The following ALOX12 variants were observed in gnomAD, a reference collection of about 807,000 sequenced individuals.
ALOX12 encodes the protein arachidonate 12-lipoxygenase, 12S type, also known as polyunsaturated fatty acid lipoxygenase ALOX12.
In ALOX12, 62 loss-of-function variants were observed where a neutral mutation model predicts 85.5. The observed-to-expected ratio is 0.73, with a 90% confidence interval of 0.59 to 0.90. The LOEUF (loss-of-function observed/expected upper bound fraction) is 0.90, where lower values mean the gene tolerates loss of function less well. ALOX12 is among the 40% of genes least tolerant of loss of function. The pLI is 0.00. For missense variants in ALOX12, 751 were observed against 856.5 expected, an observed-to-expected ratio of 0.88 and a Z score of 1.54; for synonymous variants, 299 against 332.7, an observed-to-expected ratio of 0.90 and a Z score of 1.10.
chr17:7,010,109 C>T lies in ALOX12; in HGVS notation c.1795C>T (p.Arg599Cys), dbSNP rs757495245. Residue 599 changes from arginine (R) to cysteine (C), a missense_variant, in exon 13 of 14, where the codon CGC becomes TGC. By Grantham distance (180) the Arg-to-Cys change is radical (BLOSUM62 -3). Transcript: ENST00000251535. ...AATGGCCATCTCATGGCATCTGAGT[C>T]GCCGCCAGCCAGACATGGTGAGAGG... ...LQMAISWHLSRRQPDMVPLGH... is the reference protein window; with the variant it reads ...LQMAISWHLSCRQPDMVPLGH... 14 of 1,611,878 alleles carry T rather than the reference C, an allele frequency of 8.7e-6. No homozygotes were observed. Among genetic ancestry groups the T allele is most frequent in the Non-Finnish European group, 1.2e-5 (14 of 1,178,740 alleles).
At chr17:7,007,354 G>A (rs1318649355) in intron 11 of ALOX12, among the ~76,000 whole-genome samples, 4 of 152,028 alleles carry the variant, frequency 2.6e-5, no homozygotes, top group South Asian at 2.1e-4. Flanking sequence ...CTCATCCTTC[G>A]GCCCCTCCCC....
rs375363609 is a variant in ALOX12, at chr17:6,998,484, G to T, written c.338-25G>T. 1.3e-4 allele frequency: 206 copies of T among 1,549,264 alleles called. 1 individual carries two copies. In the African/African-American group the frequency reaches 2.6e-3, roughly 20 times the overall value. On this transcript the variant is annotated intron_variant, in intron 2 of 13. Coordinates refer to ENST00000251535, the MANE Select transcript of ALOX12 (RefSeq NM_000697.3). ...GCATAGGACCAGACAGAGCCGTGAG[G>T]CCAATTGTCTTGATGTCTCCCCAGC...
In ALOX12 at chr17:7,006,991, T is replaced by TCCGAAGC. The variant is rs1909119572; in HGVS notation, c.1540+387_1540+393dup. Among the ~76,000 whole-genome samples, 3 of 152,044 alleles carry TCCGAAGC rather than the reference T, an allele frequency of 2.0e-5. No individual in the cohort carries two copies. In the South Asian group the frequency reaches 6.2e-4, roughly 31 times the overall value. On this transcript the variant is annotated intron_variant, in intron 11 of 13. Transcript: ENST00000251535. ...AGGATGTAAATGGGAAGATTTTCCC[T>TCCGAAGC]CCGAAGCCCACAAGGACCCACCCTG...
chr17:6,998,984 A>G lies in ALOX12; in HGVS notation c.574A>G (p.Thr192Ala). The change falls in exon 5 of 14, where the codon ACC becomes GCC. Residue 192 changes from threonine (T) to alanine (A), a missense_variant. Coordinates refer to ENST00000251535, the MANE Select transcript of ALOX12 (RefSeq NM_000697.3). ...GGAGATGGCCCTCAAACGTGTTTAC[A>G]CCCTCCTGAGCTCCTGGAACTGCCT... Reference protein sequence around the residue: ...ALEMALKRVYTLLSSWNCLED... With the variant: ...ALEMALKRVYALLSSWNCLED... 6.2e-7 allele frequency: 1 copy of G among 1,613,880 alleles called. No individual in the cohort carries two copies. Among genetic ancestry groups the G allele is most frequent in the Admixed American group, 1.7e-5 (1 of 59,986 alleles).
In ALOX12 at chr17:7,001,815, C is replaced by G. The variant is rs1359979497; in HGVS notation, c.1161+4C>G. 6.2e-7 allele frequency: 1 copy of G among 1,612,288 alleles called. No individual in the cohort carries two copies. Among genetic ancestry groups the G allele is most frequent in the South Asian group, 1.1e-5 (1 of 91,056 alleles). The stretch of plus-strand genomic sequence containing the variant: ...AGGACTGCACCCCATCTTCAAGGTA[C>G]TTATTAATCTATTAAATCACATATC... On this transcript the variant is annotated splice_donor_region_variant and intron_variant, in intron 8 of 13. Transcript: ENST00000251535.
chr17:6,997,515 C>A (rs1908505567), intron 2 of ALOX12, among the ~76,000 whole-genome samples: 1 of 151,020 alleles, frequency 6.6e-6, no homozygotes, highest in African/African-American at 2.4e-5. Flanking sequence ...AGCACACTGG[C>A]CCGCAGGAGA....
intron 9 of ALOX12, 131 bp downstream of exon 9, chr17:7,005,474 C>CTTTTTTTT (rs35201122): frequency 1.6e-4 from 35 of 223,306 alleles, no homozygotes; most frequent in African/African-American, 4.8e-4. Context: ...ATACCCATGT[C>CTTTTTTTT]TTTTTTTTTT....
rs540528170 is a variant in ALOX12, at chr17:6,998,853, G to C, written c.542+16G>C. 6.2e-7 allele frequency: 1 copy of C among 1,614,182 alleles called. No homozygotes were observed. Among genetic ancestry groups the C allele is most frequent in the East Asian group, 2.2e-5 (1 of 44,886 alleles). On this transcript the variant is annotated intron_variant, in intron 4 of 13. Coordinates refer to ENST00000251535, the MANE Select transcript of ALOX12 (RefSeq NM_000697.3). ...TGAAGGCAGGGTGAGAAAAAGGCTAGACCTCGGAGTGAAATAAGGGCTGGG... is the reference window on the plus strand; with the variant it reads ...TGAAGGCAGGGTGAGAAAAAGGCTACACCTCGGAGTGAAATAAGGGCTGGG...
Position 7,010,270 on chromosome 17 carries a change from A to T in ALOX12, c.1839A>T (p.Lys613Asn). 1 of 1,613,942 alleles carries T rather than the reference A, an allele frequency of 6.2e-7. No homozygotes were observed. Among genetic ancestry groups the T allele is most frequent in the South Asian group, 1.1e-5 (1 of 91,060 alleles). The change falls in exon 14 of 14, where the codon AAA becomes AAT. Residue 613 changes from lysine to asparagine, a missense_variant. Physicochemically the swap from Lys to Asn is moderately conservative, Grantham distance 94. Transcript: ENST00000251535. The part of the protein sequence containing the change: ...DMVPLGHHKE[K>N]YFSGPKPKAV... ...TGCCTCTGGGGCACCACAAAGAAAA[A>T]TATTTCTCAGGCCCCAAGCCCAAAG...
In ALOX12 at chr17:7,009,990, G is replaced by A. The variant is rs377251902; in HGVS notation, c.1676G>A (p.Cys559Tyr). Residue 559 changes from cysteine to tyrosine, a missense_variant, in exon 13 of 14, where the codon TGC (cysteine) becomes TAC (tyrosine). Cys to Tyr is a radical substitution (Grantham distance 194, BLOSUM62 -2). Coordinates refer to ENST00000251535, the MANE Select transcript of ALOX12 (RefSeq NM_000697.3). ...DWYAWVPNAP[C>Y]TMRMPPPTTK... Reference sequence around the variant, plus strand: ...TATGCCTGGGTCCCTAATGCTCCATGCACAATGCGGATGCCCCCACCCACC... The same window carrying A: ...TATGCCTGGGTCCCTAATGCTCCATACACAATGCGGATGCCCCCACCCACC... The A allele has an allele frequency of 1.2e-6, 2 of 1,614,006 alleles. No homozygotes were observed. Among genetic ancestry groups the A allele is most frequent in the Non-Finnish European group, 1.7e-6 (2 of 1,180,020 alleles).
chr17:7,007,183 C>A (rs1713109738), intron 11 of ALOX12, among the ~76,000 whole-genome samples: 1 of 152,216 alleles, frequency 6.6e-6, no homozygotes, highest in South Asian at 2.1e-4. Flanking sequence ...GCTCAGGTTT[C>A]TTTGGCTAAT....
rs1285917453 is a variant in ALOX12 at position 7,005,839 on chromosome 17, C to G, written c.1249-19C>G. The G allele has an allele frequency of 6.2e-7, 1 of 1,607,206 alleles. No individual in the cohort carries two copies. Among genetic ancestry groups the G allele is most frequent in the East Asian group, 2.2e-5 (1 of 44,792 alleles). On this transcript the variant is annotated intron_variant, in intron 9 of 13. Coordinates refer to ENST00000251535, the MANE Select transcript of ALOX12 (RefSeq NM_000697.3). ...CCAGCCCTGTTTCCCCCTCTAAGAC[C>G]TGTGATCTCCTGTCCCAGGCAGTGA...
intron 8 of ALOX12, among the ~76,000 whole-genome samples, chr17:7,004,540 GA>G: frequency 6.8e-6 from 1 of 147,180 alleles, no homozygotes; most frequent in East Asian, 2.0e-4. Context: ...AATAGCTAAG[GA>G]AAATATTTTA....
intron 8 of ALOX12, chr17:7,002,368 C>T (rs894157936): frequency 5.1e-5 from 20 of 389,348 alleles, no homozygotes; most frequent in Non-Finnish European, 8.3e-5. Flanking sequence ...GAATCTAAAA[C>T]GTAGTGAAGG....
intron 2 of ALOX12, among the ~76,000 whole-genome samples, chr17:6,997,392 G>T (rs554009568): frequency 6.6e-6 from 1 of 151,880 alleles, no homozygotes; most frequent in African/African-American, 2.4e-5. Context: ...GGACCACATG[G>T]AACAGGAGGG....
intron 8 of ALOX12, among the ~76,000 whole-genome samples, chr17:7,004,688 A>G (rs1033543318): frequency 8.5e-5 from 13 of 152,178 alleles, no homozygotes; most frequent in Non-Finnish European, 1.8e-4. Flanking sequence ...GTTCTGACAG[A>G]AAGTATTCTC....
chr17:7,004,215 A>G (rs1265771787), intron 8 of ALOX12, among the ~76,000 whole-genome samples: 2 of 140,458 alleles, frequency 1.4e-5, no homozygotes, highest in Non-Finnish European at 3.1e-5. Flanking sequence ...TTTTAATATT[A>G]AATTAATTTA....
At chr17:7,002,649 A>G in intron 8 of ALOX12, 2 of 369,578 alleles carry the variant, frequency 5.4e-6, no homozygotes, top group Middle Eastern at 4.1e-4. Flanking sequence ...AGAAAGAAAT[A>G]CTGTAATTTT....
At chr17:6,998,352 C>T (rs1220512470) in intron 2 of ALOX12, among the ~76,000 whole-genome samples, 157 bp from the exon 3 acceptor site, 3 of 152,080 alleles carry the variant, frequency 2.0e-5, no homozygotes, top group African/African-American at 4.8e-5. Flanking sequence ...ATGGGATAAA[C>T]GTGTCTGGTG....
Sources: allele counts gnomAD v4.1 joint callset (sites outside exome capture counted in the v4.1 genomes callset), GRCh38; gene constraint gnomAD v4.1.1; transcripts MANE v1.5; gene names NCBI Gene and HGNC (gene_info 2026-07-23, HGNC 2026-07-21).